The following MAP2K5 variants were observed in gnomAD, a reference collection of about 807,000 sequenced individuals.
The protein encoded by MAP2K5 is dual specificity mitogen-activated protein kinase kinase 5.
MAP2K5 carries 49 observed loss-of-function variants against 83.1 expected under a neutral mutation model. The ratio of observed to expected loss-of-function variants is 0.59; its 90% CI spans 0.47 to 0.75. The LOEUF is 0.75. Among genes scored for constraint, MAP2K5 ranks in the 30% least tolerant of loss-of-function variants. The pLI is 0.00. For synonymous variants in MAP2K5, 202 were observed against 191.8 expected (o/e 1.05, Z -0.44); for missense variants, 457 against 557.5 (o/e 0.82, Z 1.82).
chr15:67,555,231 T>C lies in MAP2K5; in HGVS notation c.184+5149T>C, dbSNP rs2084601108. ...CTGCTTGCATTCTGCTGAGGAAGCT[T>C]TTACTTATGGCAGAAAGTGAAGGGG... On this transcript the variant is annotated intron_variant, in intron 2 of 21. Transcript: ENST00000178640. The surrounding 1 kb of genome is among the most constrained non-coding windows in gnomAD (Gnocchi z 5.2). Among the ~76,000 whole-genome samples the C allele has an allele frequency of 6.6e-6, 1 of 152,116 alleles. No individual in the cohort carries two copies. Among genetic ancestry groups the C allele is most frequent in the Non-Finnish European group, 1.5e-5 (1 of 68,038 alleles).
At chr15:67,693,062 C>T (rs1382377468) in intron 14 of MAP2K5, among the ~76,000 whole-genome samples, 1 of 152,132 alleles carries the variant, frequency 6.6e-6, no homozygotes, top group Non-Finnish European at 1.5e-5. Flanking sequence ...CAGCCAAACA[C>T]GAAGACCAAA....
In MAP2K5 at chr15:67,774,506, CTGGACTT is replaced by C. The variant is rs1477442093; in HGVS notation, c.1242+1758_1242+1764del. Among the ~76,000 whole-genome samples, 1 of 152,044 alleles carries C rather than the reference CTGGACTT, an allele frequency of 6.6e-6. No individual in the cohort carries two copies. On this transcript the variant is annotated intron_variant, in intron 21 of 21. Transcript: ENST00000178640. The surrounding 1 kb of genome is among the most constrained non-coding windows in gnomAD (Gnocchi z 4.9). ...GCTGTGGTCAGAGAGTGAGCCCTGC[CTGGACTT>C]TGGGCAAAAGATTGGGCCCAATAGG...
chr15:67,681,098 C>T (rs1338521336), intron 13 of MAP2K5, among the ~76,000 whole-genome samples: 1 of 152,218 alleles, frequency 6.6e-6, no homozygotes, highest in African/African-American at 2.4e-5. Flanking sequence ...TTCAACATTT[C>T]ACTGACCTCT....
rs2090119179 is a variant in MAP2K5 at position 67,770,382 on chromosome 15, T to C, written c.1196+719T>C. Among the ~76,000 whole-genome samples the C allele has an allele frequency of 6.6e-6, 1 of 152,220 alleles. No individual in the cohort carries two copies. Among genetic ancestry groups the C allele is most frequent in the Non-Finnish European group, 1.5e-5 (1 of 68,040 alleles). On this transcript the variant is annotated intron_variant, in intron 20 of 21. Coordinates refer to ENST00000178640, the MANE Select transcript of MAP2K5 (RefSeq NM_145160.3). The surrounding 1 kb of genome is among the most constrained non-coding windows in gnomAD (Gnocchi z 5.0). The stretch of plus-strand genomic sequence containing the variant: ...CCATCATTCCCCTCTTCCCTCGTCC[T>C]GCAGGACTCATGTGGCCTTGGGAGG...
chr15:67,748,059 C>T lies in MAP2K5; in HGVS notation c.1075-172C>T, dbSNP rs1038067421. Among the ~76,000 whole-genome samples the T allele has an allele frequency of 6.6e-6, 1 of 152,152 alleles. No homozygotes were observed. On this transcript the variant is annotated intron_variant, in intron 17 of 21. Coordinates refer to ENST00000178640, the MANE Select transcript of MAP2K5 (RefSeq NM_145160.3). The surrounding 1 kb of genome is among the most constrained non-coding windows in gnomAD (Gnocchi z 4.0). ...AAATTAACATTCTGCTGACTTTCGCCTATAAATGAGAAGCGAGCTATTAAC... is the reference window on the plus strand; with the variant it reads ...AAATTAACATTCTGCTGACTTTCGCTTATAAATGAGAAGCGAGCTATTAAC...
Position 67,638,970 on chromosome 15 carries a change from C to A in MAP2K5, c.586-7261C>A, listed in dbSNP as rs902582191. 1.3e-5 allele frequency among the ~76,000 whole-genome samples: 2 copies of A among 151,934 alleles called. No individual in the cohort carries two copies. Among genetic ancestry groups the A allele is most frequent in the African/African-American group, 4.8e-5 (2 of 41,368 alleles). On this transcript the variant is annotated intron_variant, in intron 9 of 21. Coordinates refer to ENST00000178640, the MANE Select transcript of MAP2K5 (RefSeq NM_145160.3). This position sits in a 1 kb window ranked among gnomAD's most constrained non-coding sequence, Gnocchi z 4.5. ...ACCCCTTCCTTATACCCCTTTACTG[C>A]AAAAATTAACTCAAAATTAAAGACT...
chr15:67,721,985 CTAAT>C (rs2088972363), intron 16 of MAP2K5, among the ~76,000 whole-genome samples: 2 of 152,020 alleles, frequency 1.3e-5, no homozygotes, highest in Admixed American at 1.3e-4. Context: ...ATAAAACAAA[CTAAT>C]TGTCTTTAAT....
intron 7 of MAP2K5, 146 bp from the exon 8 acceptor site, chr15:67,600,538 CA>C (rs2141025866): frequency 1.6e-6 from 1 of 633,556 alleles, no homozygotes; most frequent in African/African-American, 1.9e-5. Context: ...ATAAATTGGA[CA>C]GCAAACGTTG....
chr15:67,753,436 A>G (rs1433122229), intron 19 of MAP2K5, among the ~76,000 whole-genome samples: 5 of 152,212 alleles, frequency 3.3e-5, no homozygotes, highest in South Asian at 2.1e-4. Context: ...TGCAAATCAT[A>G]TATCTGATAA....
intron 16 of MAP2K5, among the ~76,000 whole-genome samples, chr15:67,721,893 G>A (rs1389897944): frequency 6.6e-6 from 1 of 152,158 alleles, no homozygotes; most frequent in Non-Finnish European, 1.5e-5. Flanking sequence ...ATGGAAGGGT[G>A]TACACAGTTT....
At chr15:67,626,803 G>A (rs1344145242) in intron 8 of MAP2K5, among the ~76,000 whole-genome samples, 1 of 152,176 alleles carries the variant, frequency 6.6e-6, no homozygotes, top group East Asian at 1.9e-4. Flanking sequence ...GGGAGGCTGA[G>A]GTGGGAGGAT....
chr15:67,583,943 A>G (rs1175680857), intron 4 of MAP2K5, among the ~76,000 whole-genome samples: 1 of 150,816 alleles, frequency 6.6e-6, no homozygotes, highest in Non-Finnish European at 1.5e-5. Flanking sequence ...GCGACAAGGT[A>G]TCACAGTGTT....
At chr15:67,554,968 TG>T (rs2084593679) in intron 2 of MAP2K5, among the ~76,000 whole-genome samples, 1 of 152,234 alleles carries the variant, frequency 6.6e-6, no homozygotes, top group Admixed American at 6.5e-5. Flanking sequence ...CACATTTGAC[TG>T]ACCCAAGGGG....
rs1346715036 is a variant in MAP2K5, at chr15:67,665,001, A to T, written c.847+356A>T. Reference sequence around the variant, plus strand: ...TTCTATTAACATTTCAGATAGCATCACACACTGTTCCTTAAGAGATTGCTT... The same window carrying T: ...TTCTATTAACATTTCAGATAGCATCTCACACTGTTCCTTAAGAGATTGCTT... On this transcript the variant is annotated intron_variant, in intron 13 of 21. Coordinates refer to ENST00000178640, the MANE Select transcript of MAP2K5 (RefSeq NM_145160.3). The surrounding 1 kb of genome is among the most constrained non-coding windows in gnomAD (Gnocchi z 4.2). Among the ~76,000 whole-genome samples the T allele has an allele frequency of 1.3e-5, 2 of 152,182 alleles. No homozygotes were observed. The highest frequency in any genetic ancestry group is 2.9e-5 in the Non-Finnish European group (2 of 68,028).
At chr15:67,709,081 G>A (rs1353100402) in intron 16 of MAP2K5, among the ~76,000 whole-genome samples, 1 of 152,124 alleles carries the variant, frequency 6.6e-6, no homozygotes, top group African/African-American at 2.4e-5. Context: ...GGAAGAATTT[G>A]GCCTGTTTCT....
Position 67,708,200 on chromosome 15 carries a change from A to G in MAP2K5, c.1044+4792A>G, listed in dbSNP as rs368722566. Among the ~76,000 whole-genome samples, 1 of 151,930 alleles carries G rather than the reference A, an allele frequency of 6.6e-6. No individual in the cohort carries two copies. Among genetic ancestry groups the G allele is most frequent in the African/African-American group, 2.4e-5 (1 of 41,342 alleles). On this transcript the variant is annotated intron_variant, in intron 16 of 21. Transcript: ENST00000178640. This position sits in a 1 kb window ranked among gnomAD's most constrained non-coding sequence, Gnocchi z 4.9. ...TAGCCAGGAATGGTGGTGTGTGCCT[A>G]TAGTCCTTGCTATGTGGCAGGCTGA...
At chr15:67,620,322 G>A (rs2086153637) in intron 8 of MAP2K5, among the ~76,000 whole-genome samples, 1 of 152,160 alleles carries the variant, frequency 6.6e-6, no homozygotes, top group Admixed American at 6.5e-5. Flanking sequence ...ATTGAGCCGA[G>A]ACTGCACCAC....
intron 3 of MAP2K5, among the ~76,000 whole-genome samples, chr15:67,568,906 T>C (rs564414827): frequency 6.7e-6 from 1 of 149,250 alleles, no homozygotes; most frequent in East Asian, 2.0e-4. Context: ...CTCGGGAGGC[T>C]GAGGCAGGAG....
chr15:67,616,170 TAAATA>T (rs2141055348), intron 8 of MAP2K5, among the ~76,000 whole-genome samples: 1 of 36,518 alleles, frequency 2.7e-5, no homozygotes, highest in Admixed American at 3.9e-4. Context: ...TTTTGGTTAA[TAAATA>T]AAATGTCACA....
Sources: gnomAD v4.1 joint callset for allele counts (sites outside exome capture counted in the v4.1 genomes callset) on GRCh38, gnomAD v4.1.1 for gene constraint, Gnocchi (gnomAD v3.1) non-coding constraint, MANE v1.5 for transcripts, NCBI Gene and HGNC (gene_info 2026-07-23, HGNC 2026-07-21) for gene names.